PPP1R9A: variants seen among roughly 807,000 people sequenced by gnomAD.
PPP1R9A encodes neurabin-1.
Under a neutral mutation model 141.9 loss-of-function variants are expected in PPP1R9A, and 59 were observed. That is an observed-to-expected ratio of 0.42 (90% CI 0.34 to 0.52). PPP1R9A has a LOEUF of 0.52. PPP1R9A is among the 20% of genes least tolerant of loss of function. The pLI is 0.10. For missense variants in PPP1R9A, 1,444 were observed against 1,611.9 expected (o/e 0.90, Z 1.78); for synonymous variants, 500 against 569.7 (o/e 0.88, Z 1.74).
chr7:94,910,144 A>G lies in PPP1R9A; in HGVS notation c.31A>G (p.Thr11Ala), dbSNP rs868004007. The G allele has an allele frequency of 2.5e-6, 4 of 1,612,878 alleles. No individual in the cohort carries two copies. The highest frequency in any genetic ancestry group is 1.7e-4 in the Middle Eastern group (1 of 6,056). ...GAAAACTGAGTCTTCAGGTGAACGAACCACTCTCAGAAGTGCCTCTCCTCA... is the reference window on the plus strand; with the variant it reads ...GAAAACTGAGTCTTCAGGTGAACGAGCCACTCTCAGAAGTGCCTCTCCTCA... MLKTESSGERTTLRSASPHRN... is the reference protein window; with the variant it reads MLKTESSGERATLRSASPHRN... The change falls in exon 2 of 20, where the codon ACC (threonine) becomes GCC (alanine). Residue 11 changes from threonine to alanine, a missense_variant. Thr to Ala is a moderately conservative substitution (Grantham distance 58). Around this residue, in one of 5 missense-constraint regions of PPP1R9A, gnomAD observed 490 missense variants for 521.1 expected, o/e 0.94. Transcript: ENST00000433360. The surrounding 1 kb of genome is among the most constrained non-coding windows in gnomAD (Gnocchi z 4.5).
intron 9 of PPP1R9A, among the ~76,000 whole-genome samples, chr7:95,248,557 C>T (rs1798455634): frequency 6.6e-6 from 1 of 151,958 alleles, no homozygotes; most frequent in South Asian, 2.1e-4. Context: ...CAGTAAATAA[C>T]CTATTCCTGT....
At chr7:95,237,290 G>A (rs1796838422) in intron 8 of PPP1R9A, among the ~76,000 whole-genome samples, 1 of 150,826 alleles carries the variant, frequency 6.6e-6, no homozygotes, top group Non-Finnish European at 1.5e-5. Context: ...CTGCCTCCTG[G>A]GTTCAAGTGA....
chr7:95,159,925 C>CA (rs751687197), intron 4 of PPP1R9A, among the ~76,000 whole-genome samples: 6,032 of 106,430 alleles, frequency 0.057, 186 homozygotes, highest in African/African-American at 0.091. Context: ...GACATTGTCT[C>CA]AAAAAAAAAA....
At chr7:95,108,384 C>T (rs1257433057) in intron 2 of PPP1R9A, among the ~76,000 whole-genome samples, 3 of 133,068 alleles carry the variant, frequency 2.3e-5, no homozygotes, top group Admixed American at 1.7e-4. Context: ...CGCGGGAGCT[C>T]ACTGCAATCT....
intron 2 of PPP1R9A, among the ~76,000 whole-genome samples, chr7:95,039,755 C>T (rs536241808): frequency 6.6e-6 from 1 of 151,806 alleles, no homozygotes; most frequent in African/African-American, 2.4e-5. Context: ...CAGAATAGAG[C>T]ATCTAAGAAC....
intron 10 of PPP1R9A, among the ~76,000 whole-genome samples, chr7:95,251,303 G>C (rs893118503): frequency 6.6e-6 from 1 of 151,942 alleles, no homozygotes; most frequent in African/African-American, 2.4e-5. Context: ...TGCCCCTCTC[G>C]ATGTTTCTGA....
intron 2 of PPP1R9A, among the ~76,000 whole-genome samples, chr7:95,059,816 A>G (rs1424281853): frequency 6.6e-6 from 1 of 151,938 alleles, no homozygotes; most frequent in Non-Finnish European, 1.5e-5. Context: ...GTACTGTGTC[A>G]TTTTGGGACT....
rs191501522 is a variant in PPP1R9A, at chr7:95,001,384, G to A, written c.1395+89876G>A. On this transcript the variant is annotated intron_variant, in intron 2 of 19. Transcript: ENST00000433360. ...CAATGGTGTTTTCCTCTCTCATGTC[G>A]CATAACCATGATGGTGATAAGCGTA... Among the ~76,000 whole-genome samples, 5 of 152,198 alleles carry A rather than the reference G, an allele frequency of 3.3e-5. No homozygotes were observed. In the East Asian group the frequency reaches 5.8e-4, roughly 18 times the overall value.
At chr7:95,233,548 A>G (rs541950966) in intron 8 of PPP1R9A, among the ~76,000 whole-genome samples, 2 of 152,202 alleles carry the variant, frequency 1.3e-5, no homozygotes, top group South Asian at 2.1e-4. Flanking sequence ...AAAATTGCCA[A>G]CAAAAATAGT....
At chr7:95,012,583 G>A (rs1027499440) in intron 2 of PPP1R9A, among the ~76,000 whole-genome samples, 4 of 151,978 alleles carry the variant, frequency 2.6e-5, no homozygotes, top group African/African-American at 9.7e-5. Flanking sequence ...TATATATTAA[G>A]GAATAATTGG....
chr7:95,056,433 A>T (rs990788430), intron 2 of PPP1R9A, among the ~76,000 whole-genome samples: 1 of 152,208 alleles, frequency 6.6e-6, no homozygotes, highest in Non-Finnish European at 1.5e-5. Context: ...TTTGAGCAGC[A>T]TAGCAGATAT....
Position 94,910,578 on chromosome 7 carries a change from GAAC to G in PPP1R9A, c.469_471del (p.Asn157del). 6.2e-7 allele frequency: 1 copy of G among 1,614,168 alleles called. No individual in the cohort carries two copies. Among genetic ancestry groups the G allele is most frequent in the South Asian group, 1.1e-5 (1 of 91,082 alleles). The stretch of plus-strand genomic sequence containing the variant: ...AGAGAAGTGTGCATGAATCAGGACA[GAAC>G]AACCGCTATTCCCCAAAGAAAGAGA... On this transcript the variant is annotated inframe_deletion, in exon 2 of 20. Coordinates refer to ENST00000433360, the MANE Select transcript of PPP1R9A (RefSeq NM_001166160.2). This position sits in a 1 kb window ranked among gnomAD's most constrained non-coding sequence, Gnocchi z 4.5.
intron 7 of PPP1R9A, among the ~76,000 whole-genome samples, chr7:95,208,978 A>AAC (rs1554562097): frequency 6.7e-6 from 1 of 149,082 alleles, no homozygotes; most frequent in Non-Finnish European, 1.5e-5. Context: ...AAAAAAAAAA[A>AAC]CTCTGATAAA....
intron 5 of PPP1R9A, among the ~76,000 whole-genome samples, chr7:95,192,398 G>A (rs901372700): frequency 3.3e-4 from 50 of 151,950 alleles, no homozygotes; most frequent in African/African-American, 1.1e-3. Context: ...ATAGGAAATG[G>A]CATCTCTATT....
Position 95,249,946 on chromosome 7 carries a change from C to A in PPP1R9A, c.2167-80C>A, listed in dbSNP as rs986160547. The A allele has an allele frequency of 3.4e-6, 5 of 1,460,880 alleles. No individual in the cohort carries two copies. The African/African-American group carries it at 4.3e-5, about 13-fold the overall frequency. The allele number at this position is 1,460,880 out of a possible 1,614,324, so 90.5% of individuals were successfully genotyped here. On this transcript the variant is annotated intron_variant, in intron 9 of 19. Transcript: ENST00000433360. ...ATTGTTTATGATAATAGAACTTGAT[C>A]TACAACATGCTATAAAAATGAGAGA...
chr7:95,109,306 C>T (rs1820127307), intron 2 of PPP1R9A, among the ~76,000 whole-genome samples: 1 of 152,184 alleles, frequency 6.6e-6, no homozygotes, highest in Non-Finnish European at 1.5e-5. Context: ...TTGGTATATG[C>T]TGCTTTTATA....
At chr7:95,287,166 G>A (rs775610204) in intron 18 of PPP1R9A, 1 of 1,607,702 alleles carries the variant, frequency 6.2e-7, no homozygotes, top group Non-Finnish European at 8.5e-7. Context: ...GTGGTGGCTT[G>A]TGTGCTATTG....
chr7:94,949,369 A>C (rs1563033711), intron 2 of PPP1R9A, among the ~76,000 whole-genome samples: 2 of 152,116 alleles, frequency 1.3e-5, no homozygotes, highest in African/African-American at 4.8e-5. Flanking sequence ...CATGAGGACT[A>C]TTGTTGTATT....
At chr7:95,170,350 A>C (rs562593866) in intron 5 of PPP1R9A, among the ~76,000 whole-genome samples, 217 of 151,658 alleles carry the variant, frequency 1.4e-3, no homozygotes, top group African/African-American at 5.2e-3. Context: ...AATTTGATGA[A>C]ATTTTTAAGA....
Sources: allele counts gnomAD v4.1 joint callset (sites outside exome capture counted in the v4.1 genomes callset), GRCh38; gene constraint gnomAD v4.1.1; regional missense constraint gnomAD v4.1.1; non-coding constraint Gnocchi (gnomAD v3.1); transcripts MANE v1.5; gene names NCBI Gene and HGNC (gene_info 2026-07-23, HGNC 2026-07-21).